DCBLD1: variants seen among roughly 807,000 people sequenced by gnomAD.
The protein encoded by DCBLD1 is discoidin, CUB and LCCL domain containing 1.
Under a neutral mutation model 71.5 loss-of-function variants are expected in DCBLD1, and 57 were observed. The observed-to-expected ratio is 0.80, with a 90% confidence interval of 0.64 to 0.99. The LOEUF (loss-of-function observed/expected upper bound fraction) is 0.99, where lower values mean the gene tolerates loss of function less well. Ranked by LOEUF, DCBLD1 falls within the 50% of genes least tolerant of loss-of-function variation. The pLI is 0.00. For missense variants in DCBLD1, 891 were observed against 923.5 expected, an observed-to-expected ratio of 0.96 and a Z score of 0.46; for synonymous variants, 380 against 363.8, an observed-to-expected ratio of 1.04 and a Z score of -0.51.
chr6:117,486,260 G>GT (rs1401395513), intron 1 of DCBLD1, among the ~76,000 whole-genome samples: 8 of 152,210 alleles, frequency 5.3e-5, no homozygotes, highest in Non-Finnish European at 1.0e-4. Flanking sequence ...AAAGGTTTTA[G>GT]TTGTGTTAAA....
intron 3 of DCBLD1, 77 bp downstream of exon 3, chr6:117,520,027 G>T (rs2114487503): frequency 6.3e-7 from 1 of 1,584,256 alleles, no homozygotes; most frequent in South Asian, 1.1e-5. Flanking sequence ...CCCCATCCCT[G>T]GACATAATTG....
chr6:117,551,312 A>T (rs1372019616), downstream of DCBLD1, among the ~76,000 whole-genome samples: 2 of 151,990 alleles, frequency 1.3e-5, no homozygotes, highest in Non-Finnish European at 2.9e-5. Context: ...ATCCTATTGG[A>T]TGCTCATTAG....
chr6:117,554,607 T>C (rs952758471), downstream of DCBLD1, among the ~76,000 whole-genome samples: 4 of 152,180 alleles, frequency 2.6e-5, no homozygotes, highest in African/African-American at 9.6e-5. Flanking sequence ...TTAATATTCA[T>C]TTGTGGGCCA....
chr6:117,493,253 A>C (rs74558843), intron 1 of DCBLD1, among the ~76,000 whole-genome samples: 1 of 152,112 alleles, frequency 6.6e-6, no homozygotes, highest in Non-Finnish European at 1.5e-5. Context: ...GCTTTTTGGA[A>C]ATGTAGAATT....
Position 117,549,332 on chromosome 6 carries a change from C to A in DCBLD1, c.*893C>A. 9 of 985,410 alleles carry A rather than the reference C, an allele frequency of 9.1e-6. No homozygotes were observed. The highest frequency in any genetic ancestry group is 1.1e-5 in the Non-Finnish European group (9 of 829,936). The allele number at this position is 985,410 out of a possible 1,614,324, so 61.0% of individuals were successfully genotyped here. ...CTCTGAAAAACAAAGTTATTTGGAA[C>A]ATGTTCATGCAAAAGTGATTCTGAC... On this transcript the variant is annotated 3_prime_UTR_variant, in exon 15 of 15. Transcript: ENST00000338728.
chr6:117,509,695 C>T (rs1263914036), intron 2 of DCBLD1, among the ~76,000 whole-genome samples: 1 of 151,994 alleles, frequency 6.6e-6, no homozygotes, highest in African/African-American at 2.4e-5. Context: ...GCCCTTGTTC[C>T]CCTCGTAATA....
At chr6:117,509,163 A>G (rs1777933020) in intron 2 of DCBLD1, among the ~76,000 whole-genome samples, 1 of 152,158 alleles carries the variant, frequency 6.6e-6, no homozygotes, top group Admixed American at 6.5e-5. Flanking sequence ...CAGGTGCGAC[A>G]TCTCATACCT....
chr6:117,547,799 C>CG, intron 14 of DCBLD1, 108 bp from the exon 15 acceptor site: 3 of 1,542,792 alleles, frequency 1.9e-6, no homozygotes, highest in South Asian at 1.2e-5. Context: ...TGAGGGCACC[C>CG]GGGGGGAAAG....
rs143142004 is a variant in DCBLD1, at chr6:117,518,410, C to T, written c.326-1406C>T. On this transcript the variant is annotated intron_variant, in intron 2 of 14. Coordinates refer to ENST00000338728, the MANE Select transcript of DCBLD1 (RefSeq NM_001366458.2). ...TCCCACATTTTCCTGTCTTCTTAGC[C>T]CTCCAAACTGTTCCAACCTCTGCCT... Among the ~76,000 whole-genome samples the T allele has an allele frequency of 3.1e-3, 474 of 152,240 alleles. 4 individuals carry two copies. Among genetic ancestry groups the T allele is most frequent in the African/African-American group, 0.011 (457 of 41,532 alleles).
At chr6:117,499,261 G>T (rs1582972894) in intron 1 of DCBLD1, among the ~76,000 whole-genome samples, 1 of 61,680 alleles carries the variant, frequency 1.6e-5, no homozygotes, top group African/African-American at 1.3e-4. Context: ...AAAAAAATCT[G>T]CCAGGTGTGG....
intron 14 of DCBLD1, among the ~76,000 whole-genome samples, chr6:117,567,840 G>C (rs1051263942): frequency 6.6e-6 from 1 of 151,910 alleles, no homozygotes; most frequent in Non-Finnish European, 1.5e-5. Context: ...TATTATGCTA[G>C]ACTAACTGTG....
intron 5 of DCBLD1, among the ~76,000 whole-genome samples, chr6:117,530,194 T>C (rs1778669654): frequency 6.6e-6 from 1 of 152,142 alleles, no homozygotes; most frequent in South Asian, 2.1e-4. Context: ...TGGGTACCCT[T>C]TAGAATCACA....
intron 4 of DCBLD1, 44 bp from the exon 5 acceptor site, chr6:117,525,318 G>T: frequency 1.5e-6 from 2 of 1,368,158 alleles, no homozygotes; most frequent in Non-Finnish European, 1.9e-6. Context: ...TTTTTTGGTT[G>T]TGTAATTTAA....
At chr6:117,561,218 A>G (rs1779578172) in intron 14 of DCBLD1, 2 of 223,376 alleles carry the variant, frequency 9.0e-6, no homozygotes. Flanking sequence ...ATCTCACACA[A>G]TTCTTCAAAT....
At chr6:117,510,852 T>C (rs538699545) in intron 2 of DCBLD1, among the ~76,000 whole-genome samples, 1 of 152,336 alleles carries the variant, frequency 6.6e-6, no homozygotes, top group East Asian at 1.9e-4. Flanking sequence ...CATGTAATAA[T>C]GTGGAAGGTG....
intron 1 of DCBLD1, among the ~76,000 whole-genome samples, chr6:117,494,004 T>C (rs1777386073): frequency 6.6e-6 from 1 of 152,184 alleles, no homozygotes; most frequent in South Asian, 2.1e-4. Context: ...TTGTAATCAA[T>C]TTTTAAAAAC....
At chr6:117,564,149 T>A (rs1038029819) in intron 14 of DCBLD1, among the ~76,000 whole-genome samples, 2 of 152,076 alleles carry the variant, frequency 1.3e-5, no homozygotes, top group East Asian at 1.9e-4. Flanking sequence ...AGCTATATTT[T>A]AAAAATTTTT....
At chr6:117,505,045 T>C (rs1234796726) in intron 2 of DCBLD1, among the ~76,000 whole-genome samples, 4 of 152,198 alleles carry the variant, frequency 2.6e-5, no homozygotes, top group African/African-American at 9.7e-5. Flanking sequence ...AAATCTAAAC[T>C]AGCTCCCATG....
At chr6:117,520,567 CAGTGTGTGT>C (rs1349270872) in intron 3 of DCBLD1, among the ~76,000 whole-genome samples, 7 of 152,176 alleles carry the variant, frequency 4.6e-5, no homozygotes, top group Admixed American at 2.0e-4. Context: ...GAGGCATGCA[CAGTGTGTGT>C]AGGATGAGGA....
Sources: allele counts gnomAD v4.1 joint callset (sites outside exome capture counted in the v4.1 genomes callset), GRCh38; gene constraint gnomAD v4.1.1; transcripts MANE v1.5; gene names NCBI Gene and HGNC (gene_info 2026-07-23, HGNC 2026-07-21).